The following ASTN2 variants were observed in gnomAD, a reference collection of about 807,000 sequenced individuals.
ASTN2 encodes the protein astrotactin-2.
In ASTN2, 54 loss-of-function variants were observed where a neutral mutation model predicts 139.8. The observed-to-expected ratio is 0.39, with a 90% confidence interval of 0.31 to 0.48. The LOEUF (loss-of-function observed/expected upper bound fraction) is 0.48, where lower values mean the gene tolerates loss of function less well. Among genes scored for constraint, ASTN2 ranks in the 20% least tolerant of loss-of-function variants. ASTN2 has a pLI of 0.95. For missense variants in ASTN2, 1,565 were observed against 1,725.1 expected, an observed-to-expected ratio of 0.91 and a Z score of 1.64; for synonymous variants, 756 against 719.5, an observed-to-expected ratio of 1.05 and a Z score of -0.81.
At chr9:116,930,052 G>A (rs1315954437) in intron 10 of ASTN2, among the ~76,000 whole-genome samples, 5 of 152,158 alleles carry the variant, frequency 3.3e-5, no homozygotes, top group Non-Finnish European at 7.3e-5. Flanking sequence ...TTCCCTGGCT[G>A]TAAATGCAAG....
chr9:117,320,284 A>G lies in ASTN2; in HGVS notation c.443-28771T>C, dbSNP rs73655690. ...CAGAACTGAACTGAACTGAAATGAA[A>G]TACAGAACTCAGGAATCTGGCAGAA... On this transcript the variant is annotated intron_variant, in intron 1 of 22. Transcript: ENST00000313400. Among the ~76,000 whole-genome samples, 1,074 of 152,278 alleles carry G rather than the reference A, an allele frequency of 7.1e-3. 11 individuals carry two copies. Among genetic ancestry groups the G allele is most frequent in the African/African-American group, 0.024 (1,015 of 41,568 alleles).
intron 12 of ASTN2, among the ~76,000 whole-genome samples, chr9:116,810,408 A>C (rs1419942786): frequency 6.6e-6 from 1 of 152,194 alleles, no homozygotes; most frequent in Non-Finnish European, 1.5e-5. Context: ...GTGACCTCGG[A>C]CAAACTACTT....
chr9:117,325,938 A>C (rs529799772), intron 1 of ASTN2, among the ~76,000 whole-genome samples: 3 of 152,256 alleles, frequency 2.0e-5, no homozygotes, highest in East Asian at 3.9e-4. Context: ...GCCATAGTAC[A>C]TGCCTGATGA....
In ASTN2 at chr9:116,426,100, G is replaced by T. The variant is rs1454275885; in HGVS notation, c.3783-12C>A. On this transcript the variant is annotated splice_polypyrimidine_tract_variant and intron_variant, in intron 22 of 22. Coordinates refer to ENST00000313400, the MANE Select transcript of ASTN2 (RefSeq NM_001365068.1). The stretch of plus-strand genomic sequence containing the variant: ...TCAGGTGGGCCTTCCTGAAAGGTAG[G>T]ATGAGACAGCCATGATTAAAGAAGT... The T allele has an allele frequency of 3.1e-6, 5 of 1,611,092 alleles. No individual in the cohort carries two copies. In the African/African-American group the frequency reaches 6.7e-5, roughly 22 times the overall value.
chr9:116,781,618 C>G lies in ASTN2; in HGVS notation c.2396+24014G>C, dbSNP rs1172064453. The stretch of plus-strand genomic sequence containing the variant: ...GGGTTTAATTAGAACTGTTATTAGT[C>G]TGTTGTGCAAAAAGCTCATTAGAAA... On this transcript the variant is annotated intron_variant, in intron 13 of 22. Transcript: ENST00000313400. 2.0e-5 allele frequency among the ~76,000 whole-genome samples: 3 copies of G among 152,226 alleles called. No homozygotes were observed. The East Asian group carries it at 5.8e-4, about 30-fold the overall frequency.
intron 16 of ASTN2, among the ~76,000 whole-genome samples, chr9:116,719,757 G>A (rs1054040621): frequency 6.6e-6 from 1 of 151,896 alleles, no homozygotes; most frequent in African/African-American, 2.4e-5. Context: ...AGAAGAGGAT[G>A]AACCTGCAGA....
At chr9:117,359,608 G>T (rs963504153) in intron 1 of ASTN2, among the ~76,000 whole-genome samples, 1 of 152,180 alleles carries the variant, frequency 6.6e-6, no homozygotes, top group South Asian at 2.1e-4. Context: ...GAACCATATG[G>T]TTCTTGAAAT....
At position 116,699,868 on chromosome 9, in the gene ASTN2, GTCCCCC is replaced by G. The variant is rs1227497889; in HGVS notation, c.2806+25897_2806+25902del. ...ATCTTTTAATGTTTTTATTTGTTAT[GTCCCCC>G]TCCCCGCTTCCCACCTAAATTTAGA... is the stretch of plus-strand genomic sequence containing the variant. On this transcript the variant is annotated intron_variant, in intron 16 of 22. Coordinates refer to ENST00000313400, the MANE Select transcript of ASTN2 (RefSeq NM_001365068.1). The surrounding 1 kb of genome is among the most constrained non-coding windows in gnomAD (Gnocchi z 4.2). 2.0e-5 allele frequency: 19 copies of G among 934,154 alleles called. No homozygotes were observed. In the East Asian group the frequency reaches 4.7e-4, roughly 23 times the overall value. The allele number at this position is 934,154 out of a possible 1,614,324, so 57.9% of individuals were successfully genotyped here. A position where few individuals can be genotyped will look rare whatever the true frequency, so the allele number is the denominator to read the frequency against.
At chr9:116,849,151 C>A (rs547632363) in intron 11 of ASTN2, among the ~76,000 whole-genome samples, 1 of 152,170 alleles carries the variant, frequency 6.6e-6, no homozygotes, top group East Asian at 1.9e-4. Flanking sequence ...CTGAGCACAT[C>A]GTCCTCCAGG....
intron 1 of ASTN2, among the ~76,000 whole-genome samples, chr9:117,358,497 A>G (rs1178061011): frequency 6.6e-6 from 1 of 152,022 alleles, no homozygotes; most frequent in African/African-American, 2.4e-5. Flanking sequence ...TTCCTTCCCA[A>G]TCATTTGAAT....
At chr9:117,157,861 C>T (rs1830464932) in intron 3 of ASTN2, among the ~76,000 whole-genome samples, 1 of 151,900 alleles carries the variant, frequency 6.6e-6, no homozygotes, top group Admixed American at 6.6e-5. Context: ...AGACTTTCAT[C>T]AGAAGAGTGA....
At chr9:116,547,677 T>C (rs1301875930) in intron 19 of ASTN2, 1 of 152,214 alleles carries the variant, frequency 6.6e-6, no homozygotes, top group Non-Finnish European at 1.5e-5. Context: ...CTTATCGCAG[T>C]GCCTGGTAGG....
intron 21 of ASTN2, 37 bp downstream of exon 21, chr9:116,442,416 G>A: frequency 1.3e-6 from 2 of 1,508,634 alleles, no homozygotes; most frequent in Non-Finnish European, 1.8e-6. Flanking sequence ...GGGGAAATAT[G>A]GGAGTTACTT....
At chr9:117,062,842 T>C (rs745936217) in intron 5 of ASTN2, among the ~76,000 whole-genome samples, 1 of 152,262 alleles carries the variant, frequency 6.6e-6, no homozygotes, top group Admixed American at 6.5e-5. Context: ...AGCAGGTTAA[T>C]TAGGCTTGTA....
chr9:116,434,696 C>T (rs982194087), intron 22 of ASTN2, among the ~76,000 whole-genome samples: 2 of 152,136 alleles, frequency 1.3e-5, no homozygotes, highest in African/African-American at 2.4e-5. Flanking sequence ...TGTTCTGACC[C>T]GAGAAAATTC....
chr9:116,720,793 G>C (rs1040897053), intron 16 of ASTN2, among the ~76,000 whole-genome samples: 9 of 152,248 alleles, frequency 5.9e-5, no homozygotes, highest in Middle Eastern at 3.4e-3. Context: ...AATGACAGGG[G>C]ATGATAAAAG....
At chr9:117,331,816 T>C (rs181442164) in intron 1 of ASTN2, among the ~76,000 whole-genome samples, 1 of 152,320 alleles carries the variant, frequency 6.6e-6, no homozygotes, top group East Asian at 1.9e-4. Flanking sequence ...CAAAAACACT[T>C]AGGGAGGGAG....
chr9:116,893,338 C>T (rs896173270), intron 10 of ASTN2, among the ~76,000 whole-genome samples: 2 of 152,122 alleles, frequency 1.3e-5, no homozygotes, highest in African/African-American at 4.8e-5. Context: ...TGATCCAATC[C>T]CCTATTAGAG....
chr9:117,208,873 A>G (rs1832025422), intron 3 of ASTN2, among the ~76,000 whole-genome samples: 1 of 152,186 alleles, frequency 6.6e-6, no homozygotes, highest in African/African-American at 2.4e-5. Context: ...GTACCTAGCA[A>G]AGTTATCCTT....
Sources: gnomAD v4.1 joint callset for allele counts (sites outside exome capture counted in the v4.1 genomes callset) on GRCh38, gnomAD v4.1.1 for gene constraint, Gnocchi (gnomAD v3.1) non-coding constraint, MANE v1.5 for transcripts, NCBI Gene and HGNC (gene_info 2026-07-23, HGNC 2026-07-21) for gene names.